C10orf67: variants seen among roughly 807,000 people sequenced by gnomAD.
C10orf67 encodes chromosome 10 open reading frame 67.
In C10orf67, 60 loss-of-function variants were observed where a neutral mutation model predicts 35.6. That is an observed-to-expected ratio of 1.68 (90% CI 1.37 to 2.09). The LOEUF (loss-of-function observed/expected upper bound fraction) is 2.09. C10orf67 is among the 30% of genes most tolerant of loss of function. The probability of loss-of-function intolerance (pLI) is 0.00; values close to 1 mark genes in which losing one functional copy is unlikely to be tolerated. For missense variants in C10orf67, 474 were observed against 330.2 expected, an observed-to-expected ratio of 1.44 and a Z score of -3.38; for synonymous variants, 167 against 115.8, an observed-to-expected ratio of 1.44 and a Z score of -2.84.
chr10:23,277,901 C>T (rs1272431341), intron 8 of C10orf67, among the ~76,000 whole-genome samples: 2 of 152,100 alleles, frequency 1.3e-5, no homozygotes. Context: ...GGGGCTTCTG[C>T]TGCTGGGGAG....
chr10:23,225,490 T>C (rs1303173361), intron 13 of C10orf67, among the ~76,000 whole-genome samples: 1 of 152,126 alleles, frequency 6.6e-6, no homozygotes, highest in African/African-American at 2.4e-5. Context: ...GCTAACATCA[T>C]AATGACAGGA....
At chr10:23,246,050 C>T (rs1000329069) in intron 12 of C10orf67, among the ~76,000 whole-genome samples, 2 of 152,128 alleles carry the variant, frequency 1.3e-5, no homozygotes, top group Non-Finnish European at 2.9e-5. Flanking sequence ...TCCTTTGCAG[C>T]AATATGGATG....
chr10:23,202,040 T>C (rs1841045583), downstream of C10orf67: 1 of 152,262 alleles, frequency 6.6e-6, no homozygotes, highest in Admixed American at 6.5e-5. Flanking sequence ...TGCAAATTTC[T>C]TTCAATGGTG....
intron 12 of C10orf67, among the ~76,000 whole-genome samples, chr10:23,242,517 G>A (rs904675167): frequency 1.3e-5 from 2 of 152,078 alleles, no homozygotes; most frequent in African/African-American, 4.8e-5. Context: ...CCAACAAACA[G>A]TAAATGTGTG....
Position 23,331,024 on chromosome 10 carries a change from G to T in C10orf67, c.327+2038C>A, listed in dbSNP as rs201272296. ...GGGGAAGGAAACCAGGAAGAAAGGG[G>T]AGGGGAGGGAAACCGGGAAAAGAGG... On this transcript the variant is annotated intron_variant, in intron 2 of 15. Transcript: ENST00000636213. Among the ~76,000 whole-genome samples the T allele has an allele frequency of 4.7e-5, 5 of 106,330 alleles. No individual in the cohort carries two copies. The Admixed American group carries it at 5.1e-4, about 11-fold the overall frequency. The allele number at this position is 106,330 out of a possible 152,430, so 69.8% of individuals were successfully genotyped here.
chr10:23,260,422 A>C (rs1391934707), intron 10 of C10orf67, among the ~76,000 whole-genome samples: 2 of 152,210 alleles, frequency 1.3e-5, no homozygotes, highest in East Asian at 3.8e-4. Flanking sequence ...CTAGATCTAC[A>C]CAAAGAAATG....
Position 23,289,256 on chromosome 10 carries a change from T to C in C10orf67, c.909+644A>G, listed in dbSNP as rs552194008. 2.0e-5 allele frequency among the ~76,000 whole-genome samples: 3 copies of C among 152,294 alleles called. No individual in the cohort carries two copies. The East Asian group carries it at 5.8e-4, about 29-fold the overall frequency. On this transcript the variant is annotated intron_variant, in intron 7 of 15. Transcript: ENST00000636213. ...CTAGTTCACTGCAGCCCCGAACTTC[T>C]GAGCTTAAACAATCCTCCTACTTCA...
chr10:23,235,010 C>T (rs1188930134), intron 13 of C10orf67, among the ~76,000 whole-genome samples: 1 of 59,504 alleles, frequency 1.7e-5, no homozygotes, highest in Non-Finnish European at 3.0e-5. Context: ...GAAATTCCAT[C>T]TCAAAAAAAA....
chr10:23,306,308 C>G (rs562374759), intron 4 of C10orf67, among the ~76,000 whole-genome samples: 1 of 151,944 alleles, frequency 6.6e-6, no homozygotes, highest in Admixed American at 6.6e-5. Context: ...GGCAAATCAT[C>G]AGGTCAGGAG....
At chr10:23,237,918 A>G (rs2132134360) in intron 13 of C10orf67, among the ~76,000 whole-genome samples, 1 of 152,372 alleles carries the variant, frequency 6.6e-6, no homozygotes, top group African/African-American at 2.4e-5. Context: ...ATTTAACCAT[A>G]TGTAAAATAT....
Position 23,203,378 on chromosome 10 carries a change from G to A in C10orf67, c.*795C>T, listed in dbSNP as rs1841072624. ...TTGAACTAAAGTATATCAGCTTTAT[G>A]TGACAACTACCACAAATATATTTCC... is the stretch of plus-strand genomic sequence containing the variant. On this transcript the variant is annotated 3_prime_UTR_variant, in exon 16 of 16. Coordinates refer to ENST00000636213, the MANE Select transcript of C10orf67 (RefSeq NM_001371909.1). 6.6e-6 allele frequency: 1 copy of A among 152,218 alleles called. No individual in the cohort carries two copies. The allele number at this position is 152,218 out of a possible 1,614,324, so 9.4% of individuals were successfully genotyped here.
At chr10:23,319,778 C>A (rs1351914902) in intron 4 of C10orf67, among the ~76,000 whole-genome samples, 1 of 152,180 alleles carries the variant, frequency 6.6e-6, no homozygotes, top group Non-Finnish European at 1.5e-5. Flanking sequence ...AATCTCACAG[C>A]CAACTCACCT....
intron 4 of C10orf67, among the ~76,000 whole-genome samples, chr10:23,311,173 G>A (rs1844479257): frequency 6.6e-6 from 1 of 152,110 alleles, no homozygotes; most frequent in Non-Finnish European, 1.5e-5. Context: ...TACTTTTGGG[G>A]CTTTGGATGA....
intron 4 of C10orf67, chr10:23,319,034 A>C: frequency 1.4e-6 from 1 of 693,208 alleles, no homozygotes; most frequent in Non-Finnish European, 2.6e-6. Flanking sequence ...TTCAGAGGGT[A>C]CATGTACAGG....
intron 10 of C10orf67, among the ~76,000 whole-genome samples, chr10:23,255,996 T>A (rs542362848): frequency 6.6e-6 from 1 of 151,866 alleles, no homozygotes; most frequent in East Asian, 1.9e-4. Flanking sequence ...AATAAGTATG[T>A]TATCAGTTTT....
At chr10:23,260,673 A>G (rs1842723905) in intron 10 of C10orf67, among the ~76,000 whole-genome samples, 2 of 151,994 alleles carry the variant, frequency 1.3e-5, no homozygotes, top group African/African-American at 4.8e-5. Flanking sequence ...CATAAGAAAC[A>G]CTCTCTTTAC....
chr10:23,328,703 G>T (rs1253169222), intron 2 of C10orf67, among the ~76,000 whole-genome samples: 1 of 128,604 alleles, frequency 7.8e-6, no homozygotes, highest in Admixed American at 7.9e-5. Flanking sequence ...AAAAAAAAAA[G>T]CCAGGCACAG....
At chr10:23,290,953 A>G (rs748153832) in intron 6 of C10orf67, among the ~76,000 whole-genome samples, 179 bp downstream of exon 6, 2 of 152,208 alleles carry the variant, frequency 1.3e-5, no homozygotes, top group Non-Finnish European at 2.9e-5. Context: ...AACTACAAAC[A>G]CATCCTCTGT....
intron 13 of C10orf67, among the ~76,000 whole-genome samples, chr10:23,235,836 G>A (rs1344271513): frequency 6.6e-6 from 1 of 152,074 alleles, no homozygotes; most frequent in Non-Finnish European, 1.5e-5. Context: ...AACAATATTG[G>A]GTGGGCACTG....
Sources: allele counts gnomAD v4.1 joint callset (sites outside exome capture counted in the v4.1 genomes callset), GRCh38; gene constraint gnomAD v4.1.1; transcripts MANE v1.5; gene names NCBI Gene and HGNC (gene_info 2026-07-23, HGNC 2026-07-21).